Variants in PKDREJ observed in about 807,000 individuals in gnomAD.
PKDREJ encodes the protein polycystin family receptor for egg jelly, also known as PKD and REJ homolog.
For missense variants in PKDREJ, 2,507 were observed against 2,807.2 expected (o/e 0.89, Z 2.42); for synonymous variants, 1,031 against 1,095.5 (o/e 0.94, Z 1.16).
rs1490221616 is a variant in PKDREJ, at chr22:46,257,438, G to A, written c.5885C>T (p.Ser1962Leu). Reference protein sequence around the residue: ...FSLADFDRKASAEIYLYVAIL... With the variant: ...FSLADFDRKALAEIYLYVAIL... ...GGCCACATACAAGTAGATTTCTGCT[G>A]AAGCTTTTCTGTCAAAATCAGCAAG... The change falls in exon 1 of 1, where the codon TCA (serine) becomes TTA (leucine). Residue 1962 changes from serine (S) to leucine (L), a missense_variant. Transcript: ENST00000253255. The surrounding 1 kb of genome is among the most constrained non-coding windows in gnomAD (Gnocchi z 4.7). 1 of 1,613,890 alleles carries A rather than the reference G, an allele frequency of 6.2e-7. No individual in the cohort carries two copies. The highest frequency in any genetic ancestry group is 1.3e-5 in the African/African-American group (1 of 74,926).
Position 46,259,700 on chromosome 22 carries a change from T to C in PKDREJ, c.3623A>G (p.Asp1208Gly). The C allele has an allele frequency of 6.2e-7, 1 of 1,614,122 alleles. No individual in the cohort carries two copies. Among genetic ancestry groups the C allele is most frequent in the East Asian group, 2.2e-5 (1 of 44,884 alleles). The stretch of plus-strand genomic sequence containing the variant: ...CCCCCGAAGATGCTGGTCCATTTCA[T>C]CCCTGTATAAAGCCCAAAAAGCTAG... ...VGLAFWALYRDEMDQHLRGHV... is the reference protein window; with the variant it reads ...VGLAFWALYRGEMDQHLRGHV... Residue 1208 changes from aspartate to glycine, a missense_variant, in exon 1 of 1, where the codon GAT becomes GGT. Asp to Gly is a moderately conservative substitution (Grantham distance 94). Coordinates refer to ENST00000253255, the MANE Select transcript of PKDREJ (RefSeq NM_006071.2). The surrounding 1 kb of genome is among the most constrained non-coding windows in gnomAD (Gnocchi z 6.8).
chr22:46,260,473 C>A lies in PKDREJ; in HGVS notation c.2850G>T (p.Ala950=), dbSNP rs568111538. The part of the protein sequence containing the change: ...GSVLEITPDV[A]EVYLVRKNLT... Reference sequence around the variant, plus strand: ...AGTTTTTCCTGACAAGGTACACTTCCGCTACATCAGGTGTGATCTCTAGCA... The same window carrying A: ...AGTTTTTCCTGACAAGGTACACTTCAGCTACATCAGGTGTGATCTCTAGCA... Residue 950 remains alanine (A), a synonymous_variant, in exon 1 of 1, where the codon GCG becomes GCT. Coordinates refer to ENST00000253255, the MANE Select transcript of PKDREJ (RefSeq NM_006071.2). This position sits in a 1 kb window ranked among gnomAD's most constrained non-coding sequence, Gnocchi z 4.5. The A allele has an allele frequency of 1.9e-6, 3 of 1,614,044 alleles. No individual in the cohort carries two copies. The highest frequency in any genetic ancestry group is 2.5e-6 in the Non-Finnish European group (3 of 1,180,036).
Position 46,257,950 on chromosome 22 carries a change from A to G in PKDREJ, c.5373T>C (p.Leu1791=), listed in dbSNP as rs376982011. 316 of 1,613,988 alleles carry G rather than the reference A, an allele frequency of 2.0e-4. No homozygotes were observed. The highest frequency in any genetic ancestry group is 2.3e-4 in the Non-Finnish European group (275 of 1,180,048). ...LPESSSKILG[L]PLMRQVRAKS... ...TTGCTCTCACTTGCCTCATCAATGG[A>G]AGGCCAAGGATTTTAGACGAGCTTT... is the stretch of plus-strand genomic sequence containing the variant. The change falls in exon 1 of 1, where the codon CTT becomes CTC. Residue 1791 remains leucine (L), a synonymous_variant. Transcript: ENST00000253255. The surrounding 1 kb of genome is among the most constrained non-coding windows in gnomAD (Gnocchi z 4.7).
In PKDREJ at chr22:46,263,294, A is replaced by G. The variant is rs1389240064; in HGVS notation, c.29T>C (p.Leu10Pro). The G allele has an allele frequency of 2.1e-6, 3 of 1,438,384 alleles. No homozygotes were observed. Among genetic ancestry groups the G allele is most frequent in the South Asian group, 1.3e-5 (1 of 76,152 alleles). 89.1% of individuals were successfully genotyped at this position (1,438,384 alleles called of 1,614,324 possible). Reference sequence around the variant, plus strand: ...GACGCTCAGGCTCAGGCCCACGCCCAGAAGGAGGAGAGCGGGCCCAGGCCT... The same window carrying G: ...GACGCTCAGGCTCAGGCCCACGCCCGGAAGGAGGAGAGCGGGCCCAGGCCT... MRPGPALLLLGVGLSLSVGR... is the reference protein window; with the variant it reads MRPGPALLLPGVGLSLSVGR... The change falls in exon 1 of 1, where the codon CTG (leucine) becomes CCG (proline). Residue 10 changes from leucine (L) to proline (P), a missense_variant. Coordinates refer to ENST00000253255, the MANE Select transcript of PKDREJ (RefSeq NM_006071.2). The surrounding 1 kb of genome is among the most constrained non-coding windows in gnomAD (Gnocchi z 9.4).
chr22:46,262,762 G>A lies in PKDREJ; in HGVS notation c.561C>T (p.Gly187=), dbSNP rs375028376. Residue 187 remains glycine, a synonymous_variant, in exon 1 of 1, where the codon GGC becomes GGT. Coordinates refer to ENST00000253255, the MANE Select transcript of PKDREJ (RefSeq NM_006071.2). This position sits in a 1 kb window ranked among gnomAD's most constrained non-coding sequence, Gnocchi z 8.1. The part of the protein sequence containing the change: ...FVARTECPTD[G]PARVMLQAVN... The stretch of plus-strand genomic sequence containing the variant: ...CGGCCTGCAACATCACGCGCGCGGG[G>A]CCGTCTGTGGGGCACTCGGTGCGGG... 1.3e-6 allele frequency: 2 copies of A among 1,585,840 alleles called. No individual in the cohort carries two copies. The highest frequency in any genetic ancestry group is 1.7e-6 in the Non-Finnish European group (2 of 1,166,640).
Position 46,262,755 on chromosome 22 carries a change from G to C in PKDREJ, c.568C>G (p.Arg190Gly). 1.3e-6 allele frequency: 2 copies of C among 1,590,854 alleles called. No homozygotes were observed. The highest frequency in any genetic ancestry group is 1.7e-6 in the Non-Finnish European group (2 of 1,168,980). The change falls in exon 1 of 1, where the codon CGC (arginine) becomes GGC (glycine). Residue 190 changes from arginine (R) to glycine (G), a missense_variant. By Grantham distance (125) the Arg-to-Gly change is moderately radical. Transcript: ENST00000253255. The surrounding 1 kb of genome is among the most constrained non-coding windows in gnomAD (Gnocchi z 8.1). ...RTECPTDGPA[R>G]VMLQAVNSSS... ...GAGTTGACGGCCTGCAACATCACGCGCGCGGGGCCGTCTGTGGGGCACTCG... is the reference window on the plus strand; with the variant it reads ...GAGTTGACGGCCTGCAACATCACGCCCGCGGGGCCGTCTGTGGGGCACTCG...
In PKDREJ at chr22:46,263,076, C is replaced by A; in HGVS notation, c.247G>T (p.Gly83Trp). The A allele has an allele frequency of 2.3e-6, 3 of 1,332,330 alleles. No individual in the cohort carries two copies. The highest frequency in any genetic ancestry group is 2.9e-6 in the Non-Finnish European group (3 of 1,030,790). The allele number at this position is 1,332,330 out of a possible 1,614,324, so 82.5% of individuals were successfully genotyped here. A position where few individuals can be genotyped will look rare whatever the true frequency, so the allele number is the denominator to read the frequency against. ...GRGSLCFPHG[G>W]TGRRWYCLDL... ...AGGCAGTACCAGCGCCGCCCGGTCCCGCCATGGGGGAAGCAGAGGCTGCCG... is the reference window on the plus strand; with the variant it reads ...AGGCAGTACCAGCGCCGCCCGGTCCAGCCATGGGGGAAGCAGAGGCTGCCG... The change falls in exon 1 of 1, where the codon GGG becomes TGG. Residue 83 changes from glycine to tryptophan, a missense_variant. Physicochemically the swap from Gly to Trp is radical, Grantham distance 184 (BLOSUM62 -2). Coordinates refer to ENST00000253255, the MANE Select transcript of PKDREJ (RefSeq NM_006071.2). This position sits in a 1 kb window ranked among gnomAD's most constrained non-coding sequence, Gnocchi z 9.4.
rs1601856983 is a variant in PKDREJ, at chr22:46,262,941, A to C, written c.382T>G (p.Trp128Gly). Residue 128 changes from tryptophan to glycine, a missense_variant, in exon 1 of 1, where the codon TGG becomes GGG. Transcript: ENST00000253255. This position sits in a 1 kb window ranked among gnomAD's most constrained non-coding sequence, Gnocchi z 8.1. ...GGCGAGCGCGGCAGCCGCACGGACC[A>C]CGTCAGGGAGAGGCGGCCGCCGCGC... is the stretch of plus-strand genomic sequence containing the variant. ...SARGGRLSLT[W>G]SVRLPRSPGR... 8 of 1,100,804 alleles carry C rather than the reference A, an allele frequency of 7.3e-6. No individual in the cohort carries two copies. The South Asian group carries it at 3.2e-4, about 44-fold the overall frequency. 68.2% of individuals were successfully genotyped at this position (1,100,804 alleles called of 1,614,324 possible).
rs1309500817 is a variant in PKDREJ, at chr22:46,261,944, A to G, written c.1379T>C (p.Ile460Thr). 1 of 1,614,152 alleles carries G rather than the reference A, an allele frequency of 6.2e-7. No individual in the cohort carries two copies. The highest frequency in any genetic ancestry group is 1.1e-5 in the South Asian group (1 of 91,090). Residue 460 changes from isoleucine (I) to threonine (T), a missense_variant, in exon 1 of 1, where the codon ATC (isoleucine) becomes ACC (threonine). Physicochemically the swap from Ile to Thr is moderately conservative, Grantham distance 89. Coordinates refer to ENST00000253255, the MANE Select transcript of PKDREJ (RefSeq NM_006071.2). The surrounding 1 kb of genome is among the most constrained non-coding windows in gnomAD (Gnocchi z 7.1). Reference sequence around the variant, plus strand: ...TCTCTCACAATTTTCGATACATGTGATGTGTGCTATGGCTTTTGGTCCTTG... The same window carrying G: ...TCTCTCACAATTTTCGATACATGTGGTGTGTGCTATGGCTTTTGGTCCTTG... ...VLQGPKAIAHITCIENCERNF... is the reference protein window; with the variant it reads ...VLQGPKAIAHTTCIENCERNF...
Position 46,262,858 on chromosome 22 carries a change from C to T in PKDREJ, c.465G>A (p.Pro155=), listed in dbSNP as rs2073297483. 1.8e-6 allele frequency: 2 copies of T among 1,142,028 alleles called. No homozygotes were observed. The highest frequency in any genetic ancestry group is 3.3e-5 in the African/African-American group (2 of 60,910). 70.7% of individuals were successfully genotyped at this position (1,142,028 alleles called of 1,614,324 possible). A position where few individuals can be genotyped will look rare whatever the true frequency, so the allele number is the denominator to read the frequency against. The stretch of plus-strand genomic sequence containing the variant: ...GGGAGACGCGGGCCGCGGGGGAGGC[C>T]GGGCGGGCGGCGCCGGGTCCGAGCA... ...LRLLGPGAAR[P]ASPAARVSPR... Residue 155 remains proline (P), a synonymous_variant, in exon 1 of 1, where the codon CCG becomes CCA. Transcript: ENST00000253255. This position sits in a 1 kb window ranked among gnomAD's most constrained non-coding sequence, Gnocchi z 8.1.
At position 46,262,878 on chromosome 22, in the gene PKDREJ, C is replaced by G; in HGVS notation, c.445G>C (p.Gly149Arg). The part of the protein sequence containing the change: ...LAWAFRLRLL[G>R]PGAARPASPA... ...GAGGCCGGGCGGGCGGCGCCGGGTC[C>G]GAGCAGCCGCAGGCGGAAGGCCCAG... The change falls in exon 1 of 1, where the codon GGA becomes CGA. Residue 149 changes from glycine to arginine, a missense_variant. Transcript: ENST00000253255. This position sits in a 1 kb window ranked among gnomAD's most constrained non-coding sequence, Gnocchi z 8.1. 15 of 1,087,902 alleles carry G rather than the reference C, an allele frequency of 1.4e-5. No homozygotes were observed. Among genetic ancestry groups the G allele is most frequent in the Non-Finnish European group, 1.7e-5 (15 of 895,346 alleles). The allele number at this position is 1,087,902 out of a possible 1,614,324, so 67.4% of individuals were successfully genotyped here. A position where few individuals can be genotyped will look rare whatever the true frequency, so the allele number is the denominator to read the frequency against.
Position 46,262,102 on chromosome 22 carries a change from T to C in PKDREJ, c.1221A>G (p.Lys407=). 1 of 1,614,164 alleles carries C rather than the reference T, an allele frequency of 6.2e-7. No individual in the cohort carries two copies. Among genetic ancestry groups the C allele is most frequent in the Non-Finnish European group, 8.5e-7 (1 of 1,180,012 alleles). ...GTACAGGGCCCGAGGCCCAGGGCCA[T>C]TTCAGATTGGCCTGCTCGGGGTGAC... The part of the protein sequence containing the change: ...EVCHPEQANL[K]WPWASGPVLT... Residue 407 remains lysine, a synonymous_variant, in exon 1 of 1, where the codon AAA becomes AAG. Coordinates refer to ENST00000253255, the MANE Select transcript of PKDREJ (RefSeq NM_006071.2). This position sits in a 1 kb window ranked among gnomAD's most constrained non-coding sequence, Gnocchi z 8.1.
At position 46,262,771 on chromosome 22, in the gene PKDREJ, G is replaced by T; in HGVS notation, c.552C>A (p.Pro184=). The stretch of plus-strand genomic sequence containing the variant: ...ACATCACGCGCGCGGGGCCGTCTGT[G>T]GGGCACTCGGTGCGGGCCACGAAGC... ...QQGFVARTEC[P]TDGPARVMLQ... is the part of the protein sequence containing the mutation. Residue 184 remains proline, a synonymous_variant, in exon 1 of 1, where the codon CCC becomes CCA. Transcript: ENST00000253255. This position sits in a 1 kb window ranked among gnomAD's most constrained non-coding sequence, Gnocchi z 8.1. 1 of 1,568,726 alleles carries T rather than the reference G, an allele frequency of 6.4e-7. No individual in the cohort carries two copies.
rs1199221081 is a variant in PKDREJ, at chr22:46,257,596, C to G, written c.5727G>C (p.Glu1909Asp). ...KELQESNWLD[E>D]KTWAVVLELT... ...ATTCCAAAACCACAGCCCATGTCTT[C>G]TCATCCAGCCAATTGCTTTCTTGAA... Residue 1909 changes from glutamate (E) to aspartate (D), a missense_variant, in exon 1 of 1, where the codon GAG (glutamate) becomes GAC (aspartate). Transcript: ENST00000253255. This position sits in a 1 kb window ranked among gnomAD's most constrained non-coding sequence, Gnocchi z 4.7. The G allele has an allele frequency of 1.4e-5, 23 of 1,614,020 alleles. No homozygotes were observed. Among genetic ancestry groups the G allele is most frequent in the Non-Finnish European group, 1.9e-5 (23 of 1,180,014 alleles).
In PKDREJ at chr22:46,259,325, A is replaced by T; in HGVS notation, c.3998T>A (p.Leu1333His). ...TCTGTCCAAAGTGGTATCAACAGAA[A>T]GCCATTTCTGGCATATGAACAGCCA... ...HIWLFICQKW[L>H]SVDTTLDRTF... Residue 1333 changes from leucine (L) to histidine (H), a missense_variant, in exon 1 of 1, where the codon CTT becomes CAT. By Grantham distance (99) the Leu-to-His change is moderately conservative (BLOSUM62 -3). Coordinates refer to ENST00000253255, the MANE Select transcript of PKDREJ (RefSeq NM_006071.2). This position sits in a 1 kb window ranked among gnomAD's most constrained non-coding sequence, Gnocchi z 6.8. The T allele has an allele frequency of 6.2e-7, 1 of 1,614,238 alleles. No individual in the cohort carries two copies. The highest frequency in any genetic ancestry group is 8.5e-7 in the Non-Finnish European group (1 of 1,180,036).
chr22:46,261,246 A>C lies in PKDREJ; in HGVS notation c.2077T>G (p.Leu693Val). Reference sequence around the variant, plus strand: ...TTCTTTTGAATCAAAGTAGACAGCAATGAACTTGGTCCCACGGTGAAACTG... The same window carrying C: ...TTCTTTTGAATCAAAGTAGACAGCACTGAACTTGGTCCCACGGTGAAACTG... Reference protein sequence around the residue: ...LLSFTVGPSSLLSTLIQKKDF... With the variant: ...LLSFTVGPSSVLSTLIQKKDF... The change falls in exon 1 of 1, where the codon TTG (leucine) becomes GTG (valine). Residue 693 changes from leucine to valine, a missense_variant. By Grantham distance (32) the Leu-to-Val change is conservative (BLOSUM62 1). Transcript: ENST00000253255. This position sits in a 1 kb window ranked among gnomAD's most constrained non-coding sequence, Gnocchi z 7.1. 6.2e-7 allele frequency: 1 copy of C among 1,614,036 alleles called. No individual in the cohort carries two copies. Among genetic ancestry groups the C allele is most frequent in the Non-Finnish European group, 8.5e-7 (1 of 1,180,002 alleles).
At position 46,256,959 on chromosome 22, in the gene PKDREJ, T is replaced by A. The variant is rs1241624331; in HGVS notation, c.6364A>T (p.Ile2122Phe). The change falls in exon 1 of 1, where the codon ATT (isoleucine) becomes TTT (phenylalanine). Residue 2122 changes from isoleucine to phenylalanine, a missense_variant. Ile to Phe is a conservative substitution (Grantham distance 21). Coordinates refer to ENST00000253255, the MANE Select transcript of PKDREJ (RefSeq NM_006071.2). The surrounding 1 kb of genome is among the most constrained non-coding windows in gnomAD (Gnocchi z 5.3). Reference sequence around the variant, plus strand: ...GAAAATACTGTCTGAGTGGAATGAATCAAGTTACTGTAGTTCCATTCATGC... The same window carrying A: ...GAAAATACTGTCTGAGTGGAATGAAACAAGTTACTGTAGTTCCATTCATGC... ...GQHEWNYSNL[I>F]HSTQTVFSYC... is the part of the protein sequence containing the mutation. 1 of 1,613,836 alleles carries A rather than the reference T, an allele frequency of 6.2e-7. No homozygotes were observed. Among genetic ancestry groups the A allele is most frequent in the Non-Finnish European group, 8.5e-7 (1 of 1,179,964 alleles).
In PKDREJ at chr22:46,261,479, TTC is replaced by T. The variant is rs1205362150; in HGVS notation, c.1842_1843del (p.Asn615HisfsTer26). ...CAAGTACAGGATGGTCCCCAGGGTG[TTC>T]TCTTTTACTGAACTGATTTCACCAA... On this transcript the variant is annotated frameshift_variant, in exon 1 of 1. Transcript: ENST00000253255. LOFTEE classifies it low-confidence loss of function (END_TRUNC). The surrounding 1 kb of genome is among the most constrained non-coding windows in gnomAD (Gnocchi z 7.1). 3 of 1,614,020 alleles carry T rather than the reference TTC, an allele frequency of 1.9e-6. No homozygotes were observed. The highest frequency in any genetic ancestry group is 2.5e-6 in the Non-Finnish European group (3 of 1,180,030).
In PKDREJ at chr22:46,261,942, T is replaced by A; in HGVS notation, c.1381A>T (p.Thr461Ser). 1 of 1,614,156 alleles carries A rather than the reference T, an allele frequency of 6.2e-7. No individual in the cohort carries two copies. Residue 461 changes from threonine to serine, a missense_variant, in exon 1 of 1, where the codon ACA (threonine) becomes TCA (serine). Coordinates refer to ENST00000253255, the MANE Select transcript of PKDREJ (RefSeq NM_006071.2). The surrounding 1 kb of genome is among the most constrained non-coding windows in gnomAD (Gnocchi z 7.1). ...TTTCTCTCACAATTTTCGATACATG[T>A]GATGTGTGCTATGGCTTTTGGTCCT... ...LQGPKAIAHI[T>S]CIENCERNFI...
Sources: allele counts gnomAD v4.1 joint callset, GRCh38; gene constraint gnomAD v4.1.1; non-coding constraint Gnocchi (gnomAD v3.1); transcripts MANE v1.5; gene names NCBI Gene and HGNC (gene_info 2026-07-23, HGNC 2026-07-21).